The following PKHD1 variants were observed in gnomAD, a reference collection of about 807,000 sequenced individuals.
PKHD1 encodes fibrocystin.
PKHD1 carries 291 observed loss-of-function variants against 412.0 expected under a neutral mutation model. That is an observed-to-expected ratio of 0.71 (90% confidence interval 0.64 to 0.78). PKHD1 has a LOEUF of 0.78. Ranked by LOEUF, PKHD1 falls within the 30% of genes least tolerant of loss-of-function variation. PKHD1 has a pLI of 0.00. For synonymous variants in PKHD1, 1,777 were observed against 1,821.5 expected (o/e 0.98, Z 0.62); for missense variants, 4,825 against 4,950.7 (o/e 0.97, Z 0.76).
chr6:51,922,569 G>A (rs1261610298), intron 37 of PKHD1, among the ~76,000 whole-genome samples: 1 of 152,236 alleles, frequency 6.6e-6, no homozygotes, highest in Non-Finnish European at 1.5e-5. Context: ...GAGGCAGGCA[G>A]GCCTAGCTGA....
intron 36 of PKHD1, among the ~76,000 whole-genome samples, chr6:51,955,511 G>A (rs1790989453): frequency 6.6e-6 from 1 of 151,992 alleles, no homozygotes; most frequent in African/African-American, 2.4e-5. Flanking sequence ...TATGAGTAAG[G>A]CACAGAGAGT....
At chr6:51,685,662 G>C (rs971728014) in intron 60 of PKHD1, among the ~76,000 whole-genome samples, 2 of 152,040 alleles carry the variant, frequency 1.3e-5, no homozygotes, top group African/African-American at 4.8e-5. Context: ...TATAACCTAA[G>C]GCCCCTTGCC....
chr6:51,921,980 G>T (rs554546911), intron 37 of PKHD1, among the ~76,000 whole-genome samples: 2 of 152,292 alleles, frequency 1.3e-5, no homozygotes, highest in African/African-American at 4.8e-5. Flanking sequence ...TGCTGGCAAG[G>T]AGCTGCGATC....
At chr6:51,695,919 C>G (rs890256218) in intron 60 of PKHD1, among the ~76,000 whole-genome samples, 3 of 152,204 alleles carry the variant, frequency 2.0e-5, no homozygotes, top group Admixed American at 1.3e-4. Flanking sequence ...GGCACAAGCC[C>G]AAAGTGAAAT....
At chr6:51,864,704 T>C (rs1458976610) in intron 48 of PKHD1, among the ~76,000 whole-genome samples, 1 of 152,194 alleles carries the variant, frequency 6.6e-6, no homozygotes, top group Non-Finnish European at 1.5e-5. Flanking sequence ...CAAGTTAAAT[T>C]AATTTTAGTA....
intron 60 of PKHD1, among the ~76,000 whole-genome samples, chr6:51,730,280 AGAAGT>A (rs1431546921): frequency 7.9e-5 from 12 of 152,154 alleles, no homozygotes; most frequent in Non-Finnish European, 1.8e-4. Context: ...ATTCATGCAA[AGAAGT>A]ATCCCTGTAA....
chr6:52,071,222 T>C lies in PKHD1; in HGVS notation c.603-152A>G, dbSNP rs149365278. ...AGTATAATGAGTTCATTAGGGCAAA[T>C]GCTTAGGGTAATACTAACTAGTATT... On this transcript the variant is annotated intron_variant, in intron 8 of 66. Transcript: ENST00000371117. 2,130 of 688,894 alleles carry C rather than the reference T, an allele frequency of 3.1e-3. 13 individuals are homozygous for C. Among genetic ancestry groups the C allele is most frequent in the South Asian group, 7.5e-3 (466 of 62,054 alleles). The allele number at this position is 688,894 out of a possible 1,614,324, so 42.7% of individuals were successfully genotyped here.
chr6:51,865,167 C>T (rs1056148704), intron 48 of PKHD1, among the ~76,000 whole-genome samples: 3 of 152,084 alleles, frequency 2.0e-5, no homozygotes, highest in Admixed American at 1.3e-4. Context: ...AGAATACCTG[C>T]GGCTTCTACA....
At chr6:52,003,865 G>T in intron 35 of PKHD1, among the ~76,000 whole-genome samples, 1 of 152,034 alleles carries the variant, frequency 6.6e-6, no homozygotes, top group East Asian at 1.9e-4. Flanking sequence ...AATCAGACTG[G>T]AAATTTCTAC....
intron 49 of PKHD1, among the ~76,000 whole-genome samples, chr6:51,854,523 G>A (rs1772932631): frequency 6.6e-6 from 1 of 152,138 alleles, no homozygotes. Flanking sequence ...GAACTATCAG[G>A]AGGACAGGCC....
chr6:51,721,063 C>A (rs192173529), intron 60 of PKHD1: 1 of 983,416 alleles, frequency 1.0e-6, no homozygotes, highest in Admixed American at 6.2e-5. Flanking sequence ...CTGGGGGAAC[C>A]AATTCCTCAA....
intron 35 of PKHD1, among the ~76,000 whole-genome samples, chr6:52,007,085 C>T (rs79454401): frequency 0.021 from 3,223 of 152,236 alleles, 117 homozygotes; most frequent in African/African-American, 0.073. Flanking sequence ...TTTATTGACT[C>T]GTTTCCTGAT....
intron 60 of PKHD1, among the ~76,000 whole-genome samples, chr6:51,742,375 T>C (rs1784661341): frequency 6.6e-6 from 1 of 152,182 alleles, no homozygotes; most frequent in Admixed American, 6.6e-5. Context: ...TGTTAAAAAG[T>C]ATAAATATTC....
At chr6:51,767,426 T>A (rs2151100373) in intron 55 of PKHD1, among the ~76,000 whole-genome samples, 1 of 152,224 alleles carries the variant, frequency 6.6e-6, no homozygotes, top group East Asian at 1.9e-4. Flanking sequence ...CATGTTGGTA[T>A]GCTGCACCCA....
chr6:51,803,292 C>T (rs1462703238), intron 52 of PKHD1, among the ~76,000 whole-genome samples: 3 of 151,252 alleles, frequency 2.0e-5, no homozygotes, highest in African/African-American at 7.4e-5. Flanking sequence ...TACATGTATT[C>T]AAAGCAAGGA....
chr6:51,812,409 G>C (rs899901857), intron 52 of PKHD1, among the ~76,000 whole-genome samples: 1 of 152,188 alleles, frequency 6.6e-6, no homozygotes, highest in Non-Finnish European at 1.5e-5. Flanking sequence ...AAAGAAACCT[G>C]AAAAATTAGC....
chr6:51,938,534 C>T lies in PKHD1; in HGVS notation c.5909-4212G>A, dbSNP rs190510488. Among the ~76,000 whole-genome samples, 423 of 119,530 alleles carry T rather than the reference C, an allele frequency of 3.5e-3. 1 individual carries two copies. The highest frequency in any genetic ancestry group is 0.012 in the African/African-American group (392 of 31,840). The allele number at this position is 119,530 out of a possible 152,430, so 78.4% of individuals were successfully genotyped here. A position where few individuals can be genotyped will look rare whatever the true frequency, so the allele number is the denominator to read the frequency against. On this transcript the variant is annotated intron_variant, in intron 36 of 66. Coordinates refer to ENST00000371117, the MANE Select transcript of PKHD1 (RefSeq NM_138694.4). Reference sequence around the variant, plus strand: ...CCGCCAGAGAACAACCCCCCTTTTTCCTTTACCTCCCCAAATCTTATAAGA... The same window carrying T: ...CCGCCAGAGAACAACCCCCCTTTTTTCTTTACCTCCCCAAATCTTATAAGA...
chr6:51,741,408 T>C (rs747470262), intron 60 of PKHD1, among the ~76,000 whole-genome samples: 3 of 152,100 alleles, frequency 2.0e-5, no homozygotes, highest in Non-Finnish European at 4.4e-5. Flanking sequence ...TTTTTTTTCC[T>C]TCTGAGAGTT....
At chr6:52,006,003 G>A (rs1798999094) in intron 35 of PKHD1, among the ~76,000 whole-genome samples, 2 of 149,088 alleles carry the variant, frequency 1.3e-5, no homozygotes, top group Non-Finnish European at 3.0e-5. Flanking sequence ...TGCTCACTTG[G>A]CTGTACCCCT....
Sources: gnomAD v4.1 joint callset for allele counts (sites outside exome capture counted in the v4.1 genomes callset) on GRCh38, gnomAD v4.1.1 for gene constraint, MANE v1.5 for transcripts, NCBI Gene and HGNC (gene_info 2026-07-23, HGNC 2026-07-21) for gene names.